PHACTR1: variants seen among roughly 807,000 people sequenced by gnomAD.
The protein encoded by PHACTR1 is phosphatase and actin regulator 1.
A neutral mutation model predicts 69.2 loss-of-function variants in PHACTR1; 16 were observed. The observed-to-expected ratio is 0.23, with a 90% CI of 0.16 to 0.35. The LOEUF is 0.35. PHACTR1 is among the 10% of genes least tolerant of loss of function. PHACTR1 has a pLI of 1.00. For missense variants in PHACTR1, 510 were observed against 734.7 expected (o/e 0.69, Z 3.54); for synonymous variants, 312 against 284.5 (o/e 1.10, Z -0.97).
chr6:12,734,533 A>C (rs766897233), intron 3 of PHACTR1, among the ~76,000 whole-genome samples: 3 of 152,208 alleles, frequency 2.0e-5, no homozygotes, highest in Non-Finnish European at 4.4e-5. Flanking sequence ...TTTGGACACA[A>C]ACTCAGGAAG....
At chr6:13,208,992 G>A (rs940189435) in intron 8 of PHACTR1, among the ~76,000 whole-genome samples, 1 of 152,026 alleles carries the variant, frequency 6.6e-6, no homozygotes, top group Non-Finnish European at 1.5e-5. Flanking sequence ...CTTCCCACTC[G>A]AGGTCAAAGC....
intron 12 of PHACTR1, chr6:13,281,036 C>A (rs1780067078): frequency 7.8e-7 from 1 of 1,289,510 alleles, no homozygotes; most frequent in Admixed American, 2.3e-5. Context: ...TCCCTCTGAG[C>A]ACTTGTGCTC....
chr6:12,807,209 TAC>T (rs1324205801), intron 4 of PHACTR1, among the ~76,000 whole-genome samples: 1 of 152,210 alleles, frequency 6.6e-6, no homozygotes, highest in East Asian at 1.9e-4. Flanking sequence ...CAGTACTTAG[TAC>T]AGAGTGGGTA....
rs113405390 is a variant in PHACTR1 at position 13,004,679 on chromosome 6, T to TA, written c.251-48685dup. 5.9e-4 allele frequency among the ~76,000 whole-genome samples: 90 copies of TA among 152,274 alleles called. 1 individual carries two copies. The highest frequency in any genetic ancestry group is 2.0e-3 in the African/African-American group (84 of 41,558). On this transcript the variant is annotated intron_variant, in intron 4 of 14. Transcript: ENST00000332995. ...TCTAGGTTTTAAGCCCCACATGCAT[T>TA]AGATATTTGTCCTAATGCTCTCCCT...
intron 4 of PHACTR1, among the ~76,000 whole-genome samples, chr6:12,858,162 G>T (rs138723480): frequency 1.4e-4 from 21 of 152,292 alleles, no homozygotes; most frequent in Middle Eastern, 3.4e-3. Context: ...GGCTGGGAAG[G>T]CCTTTAAGGG....
intron 5 of PHACTR1, among the ~76,000 whole-genome samples, chr6:13,083,201 A>G (rs1811692029): frequency 1.3e-5 from 2 of 152,298 alleles, no homozygotes; most frequent in South Asian, 4.2e-4. Context: ...TTAAATAGGG[A>G]ATCCTTTCCC....
rs957648281 is a variant in PHACTR1 at position 13,127,859 on chromosome 6, G to A, written c.416-32345G>A. 3.9e-5 allele frequency among the ~76,000 whole-genome samples: 6 copies of A among 152,134 alleles called. 1 individual carries two copies. The South Asian group carries it at 1.0e-3, about 26-fold the overall frequency. On this transcript the variant is annotated intron_variant, in intron 5 of 14. Coordinates refer to ENST00000332995, the MANE Select transcript of PHACTR1 (RefSeq NM_030948.6). The stretch of plus-strand genomic sequence containing the variant: ...ATGCATTGTATTAGTCCATTCTCAC[G>A]CAGCTATAAAGGACTGCCCAAGACT...
At position 12,777,127 on chromosome 6, in the gene PHACTR1, G is replaced by A. The variant is rs369934261; in HGVS notation, c.250+27337G>A. On this transcript the variant is annotated intron_variant, in intron 4 of 14. Coordinates refer to ENST00000332995, the MANE Select transcript of PHACTR1 (RefSeq NM_030948.6). ...GAAATGATGAAGAATTGGGTAATACGCAAACATTTTGTACTTTATTCAATA... is the reference window on the plus strand; with the variant it reads ...GAAATGATGAAGAATTGGGTAATACACAAACATTTTGTACTTTATTCAATA... 1.4e-3 allele frequency among the ~76,000 whole-genome samples: 216 copies of A among 151,942 alleles called. 1 individual carries two copies. The highest frequency in any genetic ancestry group is 4.1e-3 in the African/African-American group (171 of 41,456).
At chr6:12,907,381 A>G (rs1785860744) in intron 4 of PHACTR1, among the ~76,000 whole-genome samples, 1 of 152,246 alleles carries the variant, frequency 6.6e-6, no homozygotes, top group Non-Finnish European at 1.5e-5. Flanking sequence ...AATTTCACTT[A>G]TGTGCTCTCC....
chr6:13,020,238 G>A (rs1027383107), intron 4 of PHACTR1, among the ~76,000 whole-genome samples: 1 of 152,220 alleles, frequency 6.6e-6, no homozygotes, highest in South Asian at 2.1e-4. Flanking sequence ...GAAAAAATCA[G>A]CCAGAAGGTT....
chr6:13,053,278 C>A, intron 4 of PHACTR1, 87 bp from the exon 5 acceptor site: 7 of 1,319,156 alleles, frequency 5.3e-6, no homozygotes, highest in South Asian at 3.0e-5. Flanking sequence ...TTATCTGTAA[C>A]CATGGAAAAC....
intron 4 of PHACTR1, among the ~76,000 whole-genome samples, chr6:12,850,340 A>G (rs985989253): frequency 1.3e-5 from 2 of 152,242 alleles, no homozygotes; most frequent in African/African-American, 4.8e-5. Flanking sequence ...CTTGCCCATC[A>G]GGCCCGCGTG....
chr6:12,979,564 C>G (rs574020531), intron 4 of PHACTR1, among the ~76,000 whole-genome samples: 5 of 152,220 alleles, frequency 3.3e-5, no homozygotes, highest in Non-Finnish European at 7.4e-5. Context: ...TAGAATGCAC[C>G]TTCACATTTT....
At chr6:12,915,729 G>C (rs1375755433) in intron 4 of PHACTR1, among the ~76,000 whole-genome samples, 1 of 152,112 alleles carries the variant, frequency 6.6e-6, no homozygotes, top group Non-Finnish European at 1.5e-5. Context: ...CTCATAGTTA[G>C]TTGCCAAATC....
At chr6:13,081,919 C>T (rs1002618625) in intron 5 of PHACTR1, among the ~76,000 whole-genome samples, 16 of 152,152 alleles carry the variant, frequency 1.1e-4, no homozygotes, top group African/African-American at 3.6e-4. Context: ...TTTAGGAATA[C>T]TAGAACAAGT....
At position 13,287,784 on chromosome 6, in the gene PHACTR1, G is replaced by A. The variant is rs1781946769; in HGVS notation, c.*706G>A. On this transcript the variant is annotated 3_prime_UTR_variant, in exon 15 of 15. Coordinates refer to ENST00000332995, the MANE Select transcript of PHACTR1 (RefSeq NM_030948.6). ...CTGAGCTGCCTTTCAGGAAGCTCTG[G>A]TTTAGAAGGGGAAAGATGTCATATG... 6.5e-6 allele frequency: 1 copy of A among 153,134 alleles called. No homozygotes were observed. 9.5% of individuals were successfully genotyped at this position (153,134 alleles called of 1,614,324 possible).
intron 4 of PHACTR1, among the ~76,000 whole-genome samples, chr6:12,871,602 A>T (rs1427596376): frequency 6.6e-6 from 1 of 152,064 alleles, no homozygotes; most frequent in Non-Finnish European, 1.5e-5. Flanking sequence ...TGGCCTGATA[A>T]GATTCAGGTT....
intron 5 of PHACTR1, among the ~76,000 whole-genome samples, chr6:13,069,857 G>A (rs1809247941): frequency 1.3e-5 from 2 of 152,140 alleles, no homozygotes; most frequent in Admixed American, 1.3e-4. Context: ...CATTTGACAA[G>A]TGAGGAAACT....
At chr6:13,271,687 GT>G (rs1487122426) in intron 10 of PHACTR1, among the ~76,000 whole-genome samples, 1 of 150,868 alleles carries the variant, frequency 6.6e-6, no homozygotes, top group Non-Finnish European at 1.5e-5. Context: ...TTAGACTATT[GT>G]TTTTTGTTTG....
Sources: gnomAD v4.1 joint callset for allele counts (sites outside exome capture counted in the v4.1 genomes callset) on GRCh38, gnomAD v4.1.1 for gene constraint, MANE v1.5 for transcripts, NCBI Gene and HGNC (gene_info 2026-07-23, HGNC 2026-07-21) for gene names.